Variants in PARD3B observed in about 807,000 individuals in gnomAD.
PARD3B encodes the protein partitioning defective 3 homolog B.
PARD3B carries 103 observed loss-of-function variants against 130.2 expected under a neutral mutation model. That is an observed-to-expected ratio of 0.79 (90% CI 0.67 to 0.93). The LOEUF (loss-of-function observed/expected upper bound fraction) is 0.93, where lower values mean the gene tolerates loss of function less well. Ranked by LOEUF, PARD3B falls within the 40% of genes least tolerant of loss-of-function variation. The probability of loss-of-function intolerance (pLI) is 0.00; values close to 1 mark genes in which losing one functional copy is unlikely to be tolerated. For missense variants in PARD3B, 1,609 were observed against 1,499.2 expected (o/e 1.07, Z -1.21); for synonymous variants, 583 against 553.2 (o/e 1.05, Z -0.76).
At chr2:204,546,418 C>G (rs1273858826) in intron 1 of PARD3B, among the ~76,000 whole-genome samples, 5 of 152,118 alleles carry the variant, frequency 3.3e-5, no homozygotes, top group Non-Finnish European at 4.4e-5. Flanking sequence ...TTAACGAGAT[C>G]CCCAGGTGAT....
intron 18 of PARD3B, among the ~76,000 whole-genome samples, chr2:205,391,119 G>A (rs929174986): frequency 4.6e-5 from 7 of 152,212 alleles, no homozygotes; most frequent in African/African-American, 1.7e-4. Flanking sequence ...AAGTCAAACG[G>A]GCAACCTCCC....
chr2:205,051,287 G>T (rs1483166262), intron 4 of PARD3B, among the ~76,000 whole-genome samples: 1 of 152,092 alleles, frequency 6.6e-6, no homozygotes. Flanking sequence ...GTGTGATAAT[G>T]TAGCCATGTG....
chr2:205,302,065 C>T (rs371525602), intron 18 of PARD3B, among the ~76,000 whole-genome samples: 69 of 77,780 alleles, frequency 8.9e-4, no homozygotes, highest in South Asian at 2.4e-3. Flanking sequence ...TTTTTCTTTT[C>T]TTTTTTTTTT....
intron 21 of PARD3B, among the ~76,000 whole-genome samples, chr2:205,508,828 G>A (rs1575199106): frequency 6.6e-6 from 1 of 152,312 alleles, no homozygotes. Flanking sequence ...AGAAAGGCCT[G>A]AAGTTTTATT....
Position 204,623,747 on chromosome 2 carries a change from G to A in PARD3B, c.121-62434G>A, listed in dbSNP as rs1172991235. 6.6e-6 allele frequency among the ~76,000 whole-genome samples: 1 copy of A among 152,084 alleles called. No homozygotes were observed. The highest frequency in any genetic ancestry group is 1.5e-5 in the Non-Finnish European group (1 of 68,020). ...CTATTGGCATAATGCTCCACAGCAG[G>A]TCTCTAGAACTGAATTATGTTGCAT... is the stretch of plus-strand genomic sequence containing the variant. On this transcript the variant is annotated intron_variant, in intron 1 of 22. Coordinates refer to ENST00000406610, the MANE Select transcript of PARD3B (RefSeq NM_001302769.2). This position sits in a 1 kb window ranked among gnomAD's most constrained non-coding sequence, Gnocchi z 4.5.
chr2:205,223,824 G>A (rs1165337056), intron 15 of PARD3B, among the ~76,000 whole-genome samples: 2 of 151,986 alleles, frequency 1.3e-5, no homozygotes, highest in Non-Finnish European at 2.9e-5. Context: ...ATATTTATGG[G>A]GTACATGAGA....
chr2:205,040,362 C>G (rs543311598), intron 3 of PARD3B, among the ~76,000 whole-genome samples: 2 of 152,266 alleles, frequency 1.3e-5, no homozygotes, highest in African/African-American at 2.4e-5. Context: ...ATTTAGCCAG[C>G]AAGAAAAGGG....
Position 205,230,389 on chromosome 2 carries a change from G to T in PARD3B, c.2141-15389G>T, listed in dbSNP as rs762409412. Among the ~76,000 whole-genome samples, 3 of 152,254 alleles carry T rather than the reference G, an allele frequency of 2.0e-5. 1 individual carries two copies. ...TCTGGGTTCTCCCCTTCAAAGCTGC[G>T]AGTTTCCTTCTGGCAGAGTGTGTGT... On this transcript the variant is annotated intron_variant, in intron 15 of 22. Transcript: ENST00000406610. The surrounding 1 kb of genome is among the most constrained non-coding windows in gnomAD (Gnocchi z 4.1).
chr2:205,445,730 C>T (rs1163793597), intron 20 of PARD3B, among the ~76,000 whole-genome samples: 4 of 152,180 alleles, frequency 2.6e-5, no homozygotes, highest in Admixed American at 2.6e-4. Context: ...AGTAAAGAAG[C>T]ATCCATCTGG....
chr2:205,086,088 A>G (rs1433744449), intron 4 of PARD3B, among the ~76,000 whole-genome samples: 2 of 152,196 alleles, frequency 1.3e-5, no homozygotes, highest in Admixed American at 6.5e-5. Context: ...GCATAGCTTT[A>G]TTAGTAGGTG....
intron 16 of PARD3B, among the ~76,000 whole-genome samples, chr2:205,249,838 A>G (rs1439277307): frequency 6.6e-6 from 1 of 152,064 alleles, no homozygotes; most frequent in Non-Finnish European, 1.5e-5. Flanking sequence ...AAGAAAAATC[A>G]CAAGTTTCAT....
intron 1 of PARD3B, among the ~76,000 whole-genome samples, chr2:204,647,284 T>A (rs2035306575): frequency 6.6e-6 from 1 of 151,924 alleles, no homozygotes; most frequent in African/African-American, 2.4e-5. Context: ...TTCTATTGGG[T>A]TGTCTGTTGT....
At chr2:205,058,602 G>C (rs376317384) in intron 4 of PARD3B, among the ~76,000 whole-genome samples, 4 of 151,906 alleles carry the variant, frequency 2.6e-5, no homozygotes, top group African/African-American at 9.7e-5. Context: ...GCCAACACTT[G>C]TTGGTTTCTG....
chr2:204,951,025 G>A (rs764049832), intron 2 of PARD3B, among the ~76,000 whole-genome samples: 1 of 152,024 alleles, frequency 6.6e-6, no homozygotes, highest in Admixed American at 6.5e-5. Context: ...CTCCTTGCTG[G>A]GCAATTGAGG....
At chr2:204,588,704 T>C (rs1324417641) in intron 1 of PARD3B, among the ~76,000 whole-genome samples, 1 of 152,228 alleles carries the variant, frequency 6.6e-6, no homozygotes, top group Non-Finnish European at 1.5e-5. Context: ...TTTAAAAATA[T>C]TCAAATTTTC....
intron 2 of PARD3B, among the ~76,000 whole-genome samples, chr2:204,941,563 G>A (rs1428608439): frequency 6.6e-6 from 1 of 152,134 alleles, no homozygotes; most frequent in East Asian, 1.9e-4. Flanking sequence ...TGAAAATCAG[G>A]TTTTCTAAAT....
chr2:204,891,846 GT>G (rs748217609), intron 2 of PARD3B, among the ~76,000 whole-genome samples: 12 of 152,142 alleles, frequency 7.9e-5, no homozygotes, highest in African/African-American at 1.2e-4. Flanking sequence ...TTGTGCTCCT[GT>G]TCTGGTACCC....
At position 205,242,225 on chromosome 2, in the gene PARD3B, A is replaced by G. The variant is rs114650870; in HGVS notation, c.2141-3553A>G. ...TGCCTATCACCCATTTGGATTTTCT[A>G]CAATGTTTTTCAAATAGTTTATATT... On this transcript the variant is annotated intron_variant, in intron 15 of 22. Transcript: ENST00000406610. 6.1e-3 allele frequency among the ~76,000 whole-genome samples: 926 copies of G among 152,200 alleles called. 10 individuals carry two copies. The highest frequency in any genetic ancestry group is 0.021 in the African/African-American group (883 of 41,512).
At chr2:205,548,724 G>T (rs61444630) in intron 21 of PARD3B, among the ~76,000 whole-genome samples, 3 of 152,122 alleles carry the variant, frequency 2.0e-5, no homozygotes, top group Middle Eastern at 3.4e-3. Context: ...TGATTTTTTT[G>T]ATATAAGACC....
Sources: gnomAD v4.1 joint callset for allele counts (sites outside exome capture counted in the v4.1 genomes callset) on GRCh38, gnomAD v4.1.1 for gene constraint, Gnocchi (gnomAD v3.1) non-coding constraint, MANE v1.5 for transcripts, NCBI Gene and HGNC (gene_info 2026-07-23, HGNC 2026-07-21) for gene names.